Variants in MAST1 observed in about 807,000 individuals in gnomAD.
MAST1 encodes microtubule-associated serine/threonine-protein kinase 1.
MAST1 carries 40 observed loss-of-function variants against 124.6 expected under a neutral mutation model. The observed-to-expected ratio is 0.32, with a 90% CI of 0.25 to 0.42. The LOEUF (loss-of-function observed/expected upper bound fraction) is 0.42. Among genes scored for constraint, MAST1 ranks in the 10% least tolerant of loss-of-function variants. The pLI is 1.00. For synonymous variants in MAST1, 938 were observed against 939.4 expected (o/e 1.00, Z 0.03); for missense variants, 1,558 against 2,181.9 (o/e 0.71, Z 5.70).
At chr19:12,867,673 G>T (rs750706929) in intron 19 of MAST1, 21 bp downstream of exon 19, 39 of 1,554,860 alleles carry the variant, frequency 2.5e-5, no homozygotes, top group Non-Finnish European at 3.3e-5. Context: ...GAATGGCGGA[G>T]TTTGGGGGCG....
chr19:12,841,122 G>A lies in MAST1; in HGVS notation c.248+56G>A. The A allele has an allele frequency of 1.2e-6, 1 of 838,564 alleles. No individual in the cohort carries two copies. Among genetic ancestry groups the A allele is most frequent in the Non-Finnish European group, 2.1e-6 (1 of 485,924 alleles). 51.9% of individuals were successfully genotyped at this position (838,564 alleles called of 1,614,324 possible). The stretch of plus-strand genomic sequence containing the variant: ...CCTGGGCAGACCCTCCCCAACCACT[G>A]TCTGGGCCGCCATCTGTTCTCCTCC... On this transcript the variant is annotated intron_variant, in intron 3 of 25. Coordinates refer to ENST00000251472, the MANE Select transcript of MAST1 (RefSeq NM_014975.3). The surrounding 1 kb of genome is among the most constrained non-coding windows in gnomAD (Gnocchi z 4.3).
chr19:12,840,826 G>C (rs1034188975), intron 2 of MAST1, among the ~76,000 whole-genome samples, 165 bp from the exon 3 acceptor site: 10 of 151,914 alleles, frequency 6.6e-5, no homozygotes, highest in South Asian at 2.1e-4. Flanking sequence ...GAAGGGGCCA[G>C]GCTGACTCGG....
chr19:12,838,919 G>C lies in MAST1; in HGVS notation c.83+264G>C, dbSNP rs73503474. Among the ~76,000 whole-genome samples the C allele has an allele frequency of 0.051, 7,803 of 151,552 alleles. 703 individuals carry two copies. The highest frequency in any genetic ancestry group is 0.18 in the African/African-American group (7,433 of 41,132). On this transcript the variant is annotated intron_variant, in intron 1 of 25. Coordinates refer to ENST00000251472, the MANE Select transcript of MAST1 (RefSeq NM_014975.3). This position sits in a 1 kb window ranked among gnomAD's most constrained non-coding sequence, Gnocchi z 4.3. ...TGGCGCCTTTGTCTGCTGGCGCTGC[G>C]GGCTCCAACAGCCTGGTGGGGGTAG... is the stretch of plus-strand genomic sequence containing the variant.
intron 7 of MAST1, among the ~76,000 whole-genome samples, chr19:12,850,442 A>T (rs1455158953): frequency 6.6e-6 from 1 of 152,192 alleles, no homozygotes; most frequent in Non-Finnish European, 1.5e-5. Flanking sequence ...TTCTTCCCCC[A>T]GAACATTAAA....
At chr19:12,872,347 G>GTT (rs1970246676) in intron 24 of MAST1, among the ~76,000 whole-genome samples, 1 of 152,134 alleles carries the variant, frequency 6.6e-6, no homozygotes, top group African/African-American at 2.4e-5. Flanking sequence ...GCCAGACGGG[G>GTT]TTGAGATAAG....
rs373194996 is a variant in MAST1, at chr19:12,852,268, G to A, written c.1009+21G>A. The A allele has an allele frequency of 1.9e-5, 30 of 1,613,876 alleles. No individual in the cohort carries two copies. In the African/African-American group the frequency reaches 3.9e-4, roughly 21 times the overall value. ...TCCAGGTGCCGGCTGGTGGGCGCAG[G>A]GGGACTGGGGGTGAGCAGGCCCAGA... On this transcript the variant is annotated intron_variant, in intron 9 of 25. Coordinates refer to ENST00000251472, the MANE Select transcript of MAST1 (RefSeq NM_014975.3).
intron 24 of MAST1, among the ~76,000 whole-genome samples, chr19:12,872,244 C>G (rs1008367810): frequency 2.6e-5 from 4 of 152,032 alleles, no homozygotes; most frequent in Non-Finnish European, 5.9e-5. Flanking sequence ...GTGGGTGGGG[C>G]CAGAAGGGTA....
In MAST1 at chr19:12,874,673, G is replaced by A; in HGVS notation, c.4516G>A (p.Glu1506Lys). The change falls in exon 26 of 26, where the codon GAG becomes AAG. Residue 1506 changes from glutamate to lysine, a missense_variant. Physicochemically the swap from Glu to Lys is moderately conservative, Grantham distance 56. Around this residue, in one of 10 missense-constraint regions of MAST1, gnomAD observed 168 missense variants for 154.3 expected, o/e 1.09. Transcript: ENST00000251472. The surrounding 1 kb of genome is among the most constrained non-coding windows in gnomAD (Gnocchi z 6.6). ...GCCCGCCTCCCCAAAGCTCTCCCCG[G>A]AGCCCCAGACACCCTCCCTAGCCCC... The part of the protein sequence containing the change: ...SKPASPKLSP[E>K]PQTPSLAPAK... The A allele has an allele frequency of 6.5e-7, 1 of 1,544,052 alleles. No individual in the cohort carries two copies. Among genetic ancestry groups the A allele is most frequent in the African/African-American group, 1.4e-5 (1 of 73,118 alleles).
intron 12 of MAST1, among the ~76,000 whole-genome samples, chr19:12,863,190 G>GA (rs1970107856): frequency 7.0e-6 from 1 of 142,014 alleles, no homozygotes; most frequent in South Asian, 2.2e-4. Context: ...AAGAGAAAAA[G>GA]AAAAAAATTA....
intron 22 of MAST1, 55 bp from the exon 23 acceptor site, chr19:12,870,769 C>G (rs1178397692): frequency 2.6e-6 from 4 of 1,529,040 alleles, no homozygotes; most frequent in Non-Finnish European, 3.5e-6. Context: ...AGTTTAGGAG[C>G]TTTCCTTGTT....
chr19:12,853,897 A>G (rs1969991632), intron 10 of MAST1, among the ~76,000 whole-genome samples: 1 of 148,522 alleles, frequency 6.7e-6, no homozygotes, highest in African/African-American at 2.5e-5. Flanking sequence ...AATAATAATA[A>G]TAATAATAAT....
Position 12,847,970 on chromosome 19 carries a change from G to C in MAST1, c.687G>C (p.Arg229=), listed in dbSNP as rs543487347. The change falls in exon 7 of 26, where the codon CGG becomes CGC. Residue 229 remains arginine, a synonymous_variant. Coordinates refer to ENST00000251472, the MANE Select transcript of MAST1 (RefSeq NM_014975.3). This position sits in a 1 kb window ranked among gnomAD's most constrained non-coding sequence, Gnocchi z 5.5. ...ACCACCAGATCATCGAGCTGGCCCGGGACTGCCTGACCAAGTCCCGTGACG... is the reference window on the plus strand; with the variant it reads ...ACCACCAGATCATCGAGCTGGCCCGCGACTGCCTGACCAAGTCCCGTGACG... The part of the protein sequence containing the change: ...FIHHQIIELA[R]DCLTKSRDGL... 1 of 1,614,118 alleles carries C rather than the reference G, an allele frequency of 6.2e-7. No homozygotes were observed. The highest frequency in any genetic ancestry group is 8.5e-7 in the Non-Finnish European group (1 of 1,179,976).
intron 4 of MAST1, among the ~76,000 whole-genome samples, chr19:12,845,799 G>A (rs2145888372): frequency 6.6e-6 from 1 of 152,066 alleles, no homozygotes. Flanking sequence ...TGGGATTACA[G>A]GTGCCCACCA....
chr19:12,861,929 C>T (rs1245235919), intron 12 of MAST1, among the ~76,000 whole-genome samples: 2 of 151,420 alleles, frequency 1.3e-5, no homozygotes, highest in Non-Finnish European at 2.9e-5. Context: ...TCTCAAACTC[C>T]ACACCTCATG....
At chr19:12,861,503 T>A (rs1253499325) in intron 12 of MAST1, among the ~76,000 whole-genome samples, 1 of 151,850 alleles carries the variant, frequency 6.6e-6, no homozygotes, top group African/African-American at 2.4e-5. Flanking sequence ...ACAATTTAGA[T>A]TTGGAGGAGT....
In MAST1 at chr19:12,873,976, T is replaced by C; in HGVS notation, c.3819T>C (p.Ser1273=). 6.2e-7 allele frequency: 1 copy of C among 1,601,410 alleles called. No homozygotes were observed. The highest frequency in any genetic ancestry group is 1.7e-5 in the Admixed American group (1 of 59,724). ...RVQSAEKLGA[S]LSADKKGALR... ...AGTCGGCCGAGAAGCTGGGAGCCTC[T>C]TTGAGTGCGGACAAGAAGGGCGCGC... is the stretch of plus-strand genomic sequence containing the variant. The change falls in exon 26 of 26, where the codon TCT becomes TCC. Residue 1273 remains serine, a synonymous_variant. Coordinates refer to ENST00000251472, the MANE Select transcript of MAST1 (RefSeq NM_014975.3).
Position 12,866,818 on chromosome 19 carries a change from A to G in MAST1, c.2139+56A>G. On this transcript the variant is annotated intron_variant, in intron 18 of 25. Transcript: ENST00000251472. This position sits in a 1 kb window ranked among gnomAD's most constrained non-coding sequence, Gnocchi z 5.2. ...AGACCCCAGGAGGGATGGGGCTTGG[A>G]GAGACAGTGAGAAACAGGTTCCCTG... The G allele has an allele frequency of 6.4e-6, 9 of 1,401,952 alleles. No homozygotes were observed. The highest frequency in any genetic ancestry group is 9.0e-6 in the Non-Finnish European group (9 of 1,003,784). The allele number at this position is 1,401,952 out of a possible 1,614,324, so 86.8% of individuals were successfully genotyped here.
intron 24 of MAST1, among the ~76,000 whole-genome samples, chr19:12,872,524 G>A (rs532758342): frequency 6.6e-6 from 1 of 152,040 alleles, no homozygotes; most frequent in Non-Finnish European, 1.5e-5. Flanking sequence ...GCAGCACTGA[G>A]TTAAGGGAAG....
intron 22 of MAST1, among the ~76,000 whole-genome samples, chr19:12,870,120 G>A (rs1462092539): frequency 1.4e-5 from 2 of 139,826 alleles, no homozygotes; most frequent in African/African-American, 5.4e-5. Context: ...GGCGGAGCTT[G>A]CAGTGAGCCG....
Sources: gnomAD v4.1 joint callset for allele counts (sites outside exome capture counted in the v4.1 genomes callset) on GRCh38, gnomAD v4.1.1 for gene constraint, gnomAD v4.1.1 regional missense constraint, Gnocchi (gnomAD v3.1) non-coding constraint, MANE v1.5 for transcripts, NCBI Gene and HGNC (gene_info 2026-07-23, HGNC 2026-07-21) for gene names.